Variants in CLEC12A observed in about 807,000 individuals in gnomAD.
The protein encoded by CLEC12A is C-type lectin domain family 12 member A.
Under a neutral mutation model 26.5 loss-of-function variants are expected in CLEC12A, and 22 were observed. That is an observed-to-expected ratio of 0.83 (90% CI 0.59 to 1.19). The LOEUF is 1.19. Ranked by LOEUF, CLEC12A falls within the 50% of genes most tolerant of loss-of-function variation. The pLI is 0.00. For synonymous variants in CLEC12A, 119 were observed against 101.9 expected, an observed-to-expected ratio of 1.17 and a Z score of -1.01; for missense variants, 353 against 315.6, an observed-to-expected ratio of 1.12 and a Z score of -0.90.
In CLEC12A at chr12:9,979,326, T is replaced by A. The variant is rs562839638; in HGVS notation, c.191-10T>A. ...AATTTACAATTTTTTGTCATTTTTTTAATGTGGAGTTCACGTAACTTTGAA... is the reference window on the plus strand; with the variant it reads ...AATTTACAATTTTTTGTCATTTTTTAAATGTGGAGTTCACGTAACTTTGAA... On this transcript the variant is annotated splice_polypyrimidine_tract_variant and intron_variant, in intron 2 of 5. Coordinates refer to ENST00000304361, the MANE Select transcript of CLEC12A (RefSeq NM_138337.6). The A allele has an allele frequency of 5.1e-6, 8 of 1,556,750 alleles. No individual in the cohort carries two copies. The highest frequency in any genetic ancestry group is 3.4e-4 in the Middle Eastern group (2 of 5,936).
At chr12:9,986,263 A>G, downstream of CLEC12A, 1 of 320,842 alleles carries the variant, frequency 3.1e-6, no homozygotes, top group Admixed American at 3.4e-5. Context: ...TAGGGTACCA[A>G]CTAAAAATAC....
At chr12:9,969,959 G>A (rs1377886289), upstream of CLEC12A, among the ~76,000 whole-genome samples, 6 of 152,172 alleles carry the variant, frequency 3.9e-5, no homozygotes, top group Non-Finnish European at 7.4e-5. Flanking sequence ...AATAGCACCT[G>A]GTTTAGAGAG....
the CLEC12A span, among the ~76,000 whole-genome samples, chr12:10,002,046 AT>A: frequency 6.6e-6 from 1 of 151,022 alleles, no homozygotes; most frequent in Admixed American, 6.6e-5. Context: ...CGCCTGGCTA[AT>A]TTTTTTTGTA....
In CLEC12A at chr12:9,983,770, T is replaced by C. The variant is rs1315592137; in HGVS notation, c.642-1100T>C. 3.7e-5 allele frequency: 16 copies of C among 436,998 alleles called. No homozygotes were observed. The Admixed American group carries it at 5.7e-4, about 16-fold the overall frequency. 27.1% of individuals were successfully genotyped at this position (436,998 alleles called of 1,614,324 possible). On this transcript the variant is annotated intron_variant, in intron 5 of 5. Transcript: ENST00000304361. Reference sequence around the variant, plus strand: ...GTTTGCTTTTTCTTTCACATAGAAATAGTAAGTGTAGGAGTGTGGGTCAGA... The same window carrying C: ...GTTTGCTTTTTCTTTCACATAGAAACAGTAAGTGTAGGAGTGTGGGTCAGA...
At chr12:10,000,373 T>C (rs1223269068), downstream of CLEC12A, among the ~76,000 whole-genome samples, 1 of 152,210 alleles carries the variant, frequency 6.6e-6, no homozygotes, top group Non-Finnish European at 1.5e-5. Flanking sequence ...TTTCTTTCTC[T>C]ATACTCTTCA....
downstream of CLEC12A, among the ~76,000 whole-genome samples, chr12:10,000,112 T>C (rs889574107): frequency 2.0e-5 from 3 of 152,224 alleles, no homozygotes; most frequent in Non-Finnish European, 4.4e-5. Context: ...GGCAGATTTT[T>C]ATTTTTGTTA....
intron 5 of CLEC12A, chr12:9,983,742 T>A (rs941020152): frequency 1.1e-4 from 54 of 473,464 alleles, no homozygotes; most frequent in Non-Finnish European, 1.6e-4. Context: ...TTTTGTTTTG[T>A]TTGTTTGCTT....
At chr12:9,997,620 T>G (rs546465550), downstream of CLEC12A, among the ~76,000 whole-genome samples, 12 of 152,322 alleles carry the variant, frequency 7.9e-5, no homozygotes, top group Admixed American at 3.3e-4. Context: ...TTTTCTGTTC[T>G]TTCTGTGATG....
At chr12:10,004,930 G>A in the CLEC12A span, among the ~76,000 whole-genome samples, 1 of 143,686 alleles carries the variant, frequency 7.0e-6, no homozygotes, top group Non-Finnish European at 1.5e-5. Context: ...CCGACCCCAC[G>A]ACAGGCCCCG....
Position 9,974,001 on chromosome 12 carries a change from C to T in CLEC12A, c.91+2314C>T, listed in dbSNP as rs562183378. Among the ~76,000 whole-genome samples the T allele has an allele frequency of 2.0e-5, 3 of 152,228 alleles. No individual in the cohort carries two copies. In the Middle Eastern group the frequency reaches 0.01, roughly 518 times the overall value. On this transcript the variant is annotated intron_variant, in intron 1 of 5. Coordinates refer to ENST00000304361, the MANE Select transcript of CLEC12A (RefSeq NM_138337.6). ...CCTTTCACAACTCAACTTTTGAAAG[C>T]ATTTTCTTTGGCCACTGACTCTCAG... is the stretch of plus-strand genomic sequence containing the variant.
intron 1 of CLEC12A, among the ~76,000 whole-genome samples, chr12:9,974,724 G>T (rs780423579): frequency 3.0e-4 from 46 of 151,982 alleles, no homozygotes; most frequent in Non-Finnish European, 6.0e-4. Flanking sequence ...TAACCATATT[G>T]AAACTCAGAC....
intron 1 of CLEC12A, among the ~76,000 whole-genome samples, chr12:9,959,512 G>A (rs531514854): frequency 8.0e-5 from 12 of 150,862 alleles, no homozygotes; most frequent in African/African-American, 2.7e-4. Flanking sequence ...TGGCTCTTTC[G>A]TTGCTTTGAG....
intron 1 of CLEC12A, among the ~76,000 whole-genome samples, chr12:9,975,725 G>A (rs1369388839): frequency 6.6e-6 from 1 of 152,156 alleles, no homozygotes; most frequent in African/African-American, 2.4e-5. Flanking sequence ...TAATCGCCAA[G>A]GCAATGGGGA....
the CLEC12A span, among the ~76,000 whole-genome samples, chr12:10,002,784 G>A: frequency 6.6e-6 from 1 of 152,154 alleles, no homozygotes; most frequent in Non-Finnish European, 1.5e-5. Context: ...GTAAAAAGTA[G>A]TACTATTTAC....
chr12:9,997,190 C>T (rs192256546), downstream of CLEC12A: 58 of 1,613,964 alleles, frequency 3.6e-5, no homozygotes, highest in African/African-American at 6.0e-4. Context: ...GATTGTTTTA[C>T]CACATATTGA....
intron 3 of CLEC12A, among the ~76,000 whole-genome samples, chr12:9,980,327 A>G (rs892479516): frequency 6.6e-6 from 1 of 151,770 alleles, no homozygotes; most frequent in African/African-American, 2.4e-5. Flanking sequence ...AATCCCAGCT[A>G]CTTGGGTGGC....
intron 1 of CLEC12A, 40 bp downstream of exon 1, chr12:9,971,727 A>T: frequency 6.4e-7 from 1 of 1,569,224 alleles, no homozygotes; most frequent in Non-Finnish European, 8.7e-7. Flanking sequence ...AGTTTGTATA[A>T]TAGAAGTGGT....
intron 1 of CLEC12A, among the ~76,000 whole-genome samples, chr12:9,963,981 G>A (rs968211148): frequency 6.6e-6 from 1 of 152,172 alleles, no homozygotes; most frequent in African/African-American, 2.4e-5. Flanking sequence ...TAAACAACAA[G>A]AGGGCTTTGG....
chr12:9,996,946 C>T (rs1163440510), downstream of CLEC12A: 1 of 1,614,010 alleles, frequency 6.2e-7, no homozygotes, highest in African/African-American at 1.3e-5. Flanking sequence ...GAACCCATAG[C>T]AGCTATCTCC....
Sources: gnomAD v4.1 joint callset for allele counts (sites outside exome capture counted in the v4.1 genomes callset) on GRCh38, gnomAD v4.1.1 for gene constraint, MANE v1.5 for transcripts, NCBI Gene and HGNC (gene_info 2026-07-23, HGNC 2026-07-21) for gene names.